The following DNM3 variants were observed in gnomAD, a reference collection of about 807,000 sequenced individuals.
The protein encoded by DNM3 is dynamin-3.
A neutral mutation model predicts 101.6 loss-of-function variants in DNM3; 47 were observed. The observed-to-expected ratio is 0.46, with a 90% CI of 0.37 to 0.59. DNM3 has a LOEUF of 0.59. DNM3 is among the 20% of genes least tolerant of loss of function. The pLI is 0.00. For missense variants in DNM3, 849 were observed against 1,085.7 expected (o/e 0.78, Z 3.06); for synonymous variants, 385 against 387.9 (o/e 0.99, Z 0.09).
chr1:172,127,404 T>TTATTAG (rs2056695538), intron 13 of DNM3, among the ~76,000 whole-genome samples: 1 of 147,492 alleles, frequency 6.8e-6, no homozygotes. Context: ...ATTATTATTA[T>TTATTAG]TATTATTATT....
intron 2 of DNM3, among the ~76,000 whole-genome samples, chr1:171,939,828 T>C (rs1162601072): frequency 6.6e-6 from 1 of 152,182 alleles, no homozygotes; most frequent in South Asian, 2.1e-4. Flanking sequence ...TTGCTTCCCC[T>C]TGGGCCTCTA....
intron 15 of DNM3, among the ~76,000 whole-genome samples, chr1:172,259,549 G>A (rs775129674): frequency 4.3e-4 from 65 of 151,960 alleles, no homozygotes; most frequent in Non-Finnish European, 7.8e-4. Flanking sequence ...TTTATCTGTT[G>A]TAAGTATAGC....
At chr1:172,188,803 G>C in intron 14 of DNM3, among the ~76,000 whole-genome samples, 1 of 152,144 alleles carries the variant, frequency 6.6e-6, no homozygotes, top group Middle Eastern at 3.4e-3. Context: ...TTCCAGAAAC[G>C]AATATGAGTT....
At chr1:172,311,850 A>C (rs2148881862) in intron 16 of DNM3, among the ~76,000 whole-genome samples, 1 of 152,358 alleles carries the variant, frequency 6.6e-6, no homozygotes, top group East Asian at 1.9e-4. Flanking sequence ...ATTGCTTAGA[A>C]GATCAAGACA....
intron 13 of DNM3, among the ~76,000 whole-genome samples, chr1:172,104,294 A>G (rs1010111831): frequency 3.3e-5 from 5 of 151,926 alleles, no homozygotes; most frequent in African/African-American, 1.2e-4. Context: ...TTTATTTTTT[A>G]TCTTATATTT....
downstream of DNM3, among the ~76,000 whole-genome samples, chr1:172,413,780 C>CAGAT (rs1252474518): frequency 1.3e-5 from 2 of 152,178 alleles, no homozygotes; most frequent in African/African-American, 4.8e-5. Context: ...ATGAACTGGA[C>CAGAT]AGATTGTTGT....
intron 14 of DNM3, among the ~76,000 whole-genome samples, chr1:172,252,793 G>A (rs959680287): frequency 4.6e-5 from 7 of 152,058 alleles, no homozygotes; most frequent in African/African-American, 1.4e-4. Context: ...GGCATCCAAT[G>A]TTTTACTAAC....
At chr1:172,127,603 G>T (rs964680218) in intron 13 of DNM3, among the ~76,000 whole-genome samples, 3 of 151,594 alleles carry the variant, frequency 2.0e-5, no homozygotes, top group South Asian at 4.2e-4. Context: ...TAGAGATAGG[G>T]TTTCACCATG....
At chr1:172,119,760 A>C (rs1250329286) in intron 13 of DNM3, among the ~76,000 whole-genome samples, 2 of 152,112 alleles carry the variant, frequency 1.3e-5, no homozygotes, top group Non-Finnish European at 2.9e-5. Context: ...TCCACTCCCT[A>C]AACATAGTCC....
Position 172,411,215 on chromosome 1 carries a change from T to A in DNM3, c.*3374T>A. 1.0e-6 allele frequency: 1 copy of A among 985,232 alleles called. No homozygotes were observed. The highest frequency in any genetic ancestry group is 1.2e-6 in the Non-Finnish European group (1 of 829,758). The allele number at this position is 985,232 out of a possible 1,614,324, so 61.0% of individuals were successfully genotyped here. ...TAGCTTTGAATGATCTGCCATAACA[T>A]GTGGTAACAATAGTTCATTTCTCAT... On this transcript the variant is annotated 3_prime_UTR_variant, in exon 21 of 21. Transcript: ENST00000627582.
rs772119995 is a variant in DNM3 at position 172,323,319 on chromosome 1, A to G, written c.1882-10A>G. ...ATTTCTCTTTCTTTTCCTTGCGGCTACATGCATAGGGGAACAACAAAGTAA... is the reference window on the plus strand; with the variant it reads ...ATTTCTCTTTCTTTTCCTTGCGGCTGCATGCATAGGGGAACAACAAAGTAA... On this transcript the variant is annotated splice_polypyrimidine_tract_variant and intron_variant, in intron 16 of 20. Transcript: ENST00000627582. 29 of 1,601,262 alleles carry G rather than the reference A, an allele frequency of 1.8e-5. No homozygotes were observed. Among genetic ancestry groups the G allele is most frequent in the Admixed American group, 1.7e-5 (1 of 58,784 alleles).
intron 15 of DNM3, among the ~76,000 whole-genome samples, chr1:172,263,141 T>C (rs2062730699): frequency 6.6e-6 from 1 of 152,248 alleles, no homozygotes; most frequent in Non-Finnish European, 1.5e-5. Context: ...CAAAAAACTA[T>C]GTTCCTGATT....
intron 4 of DNM3, among the ~76,000 whole-genome samples, chr1:172,029,103 T>A (rs1380018981): frequency 6.6e-6 from 1 of 151,750 alleles, no homozygotes; most frequent in Non-Finnish European, 1.5e-5. Context: ...GGAGACACAA[T>A]AAAAAAAGAA....
rs747917880 is a variant in DNM3, at chr1:171,841,686, C to A, written c.30C>A (p.Ile10=). 3.1e-6 allele frequency: 5 copies of A among 1,611,872 alleles called. No homozygotes were observed. Among genetic ancestry groups the A allele is most frequent in the Admixed American group, 1.7e-5 (1 of 59,872 alleles). MGNREMEEL[I]PLVNRLQDAF... ...GGAACCGGGAGATGGAGGAGCTGAT[C>A]CCGCTGGTGAACCGTCTGCAGGACG... Residue 10 remains isoleucine (I), a synonymous_variant, in exon 1 of 21, where the codon ATC becomes ATA. Transcript: ENST00000627582.
At chr1:172,029,213 A>G (rs2048425357) in intron 4 of DNM3, among the ~76,000 whole-genome samples, 1 of 152,142 alleles carries the variant, frequency 6.6e-6, no homozygotes, top group Non-Finnish European at 1.5e-5. Context: ...TATCCACCAC[A>G]ATTAAGTTGG....
At chr1:172,268,149 T>TA (rs1461203513) in intron 15 of DNM3, among the ~76,000 whole-genome samples, 2 of 152,196 alleles carry the variant, frequency 1.3e-5, no homozygotes, top group Admixed American at 6.5e-5. Flanking sequence ...TGAGGACTCT[T>TA]ACAGTTATTG....
intron 4 of DNM3, among the ~76,000 whole-genome samples, chr1:172,008,788 A>AAT (rs1176653244): frequency 8.5e-6 from 1 of 118,232 alleles, no homozygotes; most frequent in Admixed American, 9.2e-5. Flanking sequence ...AATATATATT[A>AAT]ATATATATAA....
At position 171,895,742 on chromosome 1, in the gene DNM3, G is replaced by A. The variant is rs566264121; in HGVS notation, c.162-26006G>A. ...CCTATGTCCTGAATGGTATTGCCTAGGTTTTCTTCTAGGGTTTTTATGGTT... is the reference window on the plus strand; with the variant it reads ...CCTATGTCCTGAATGGTATTGCCTAAGTTTTCTTCTAGGGTTTTTATGGTT... On this transcript the variant is annotated intron_variant, in intron 1 of 20. Coordinates refer to ENST00000627582, the MANE Select transcript of DNM3 (RefSeq NM_015569.5). Among the ~76,000 whole-genome samples, 5 of 152,088 alleles carry A rather than the reference G, an allele frequency of 3.3e-5. No individual in the cohort carries two copies. The East Asian group carries it at 9.7e-4, about 29-fold the overall frequency.
At chr1:172,226,018 A>C (rs570097219) in intron 14 of DNM3, among the ~76,000 whole-genome samples, 111 of 152,220 alleles carry the variant, frequency 7.3e-4, no homozygotes, top group African/African-American at 2.6e-3. Context: ...AATTTATTGT[A>C]ATTTATTTAA....
Sources: gnomAD v4.1 joint callset for allele counts (sites outside exome capture counted in the v4.1 genomes callset) on GRCh38, gnomAD v4.1.1 for gene constraint, MANE v1.5 for transcripts, NCBI Gene and HGNC (gene_info 2026-07-23, HGNC 2026-07-21) for gene names.